The following NCOA6 variants were observed in gnomAD, a reference collection of about 807,000 sequenced individuals.
NCOA6 encodes NRC RAP250.
In NCOA6, 49 loss-of-function variants were observed where a neutral mutation model predicts 171.4. The observed-to-expected ratio is 0.29, with a 90% CI of 0.23 to 0.36. NCOA6 has a LOEUF of 0.36. Among genes scored for constraint, NCOA6 ranks in the 10% least tolerant of loss-of-function variants. The pLI is 1.00. For missense variants in NCOA6, 2,248 were observed against 2,554.5 expected, an observed-to-expected ratio of 0.88 and a Z score of 2.59; for synonymous variants, 910 against 927.5, an observed-to-expected ratio of 0.98 and a Z score of 0.34.
chr20:34,761,488 C>G (rs2076816720), intron 5 of NCOA6, among the ~76,000 whole-genome samples: 1 of 148,794 alleles, frequency 6.7e-6, no homozygotes, highest in South Asian at 2.1e-4. Flanking sequence ...TTTTTTTTTG[C>G]CACTGACTTA....
At chr20:34,723,265 T>C (rs1458954474) in intron 14 of NCOA6, among the ~76,000 whole-genome samples, 1 of 152,138 alleles carries the variant, frequency 6.6e-6, no homozygotes, top group Non-Finnish European at 1.5e-5. Flanking sequence ...TCCAGGCAGA[T>C]AGTGTCAGAA....
Position 34,732,599 on chromosome 20 carries a change from CA to C in NCOA6, c.5963-5del, listed in dbSNP as rs762026859. The C allele has an allele frequency of 1.6e-5, 25 of 1,611,868 alleles. No individual in the cohort carries two copies. In the African/African-American group the frequency reaches 2.4e-4, roughly 16 times the overall value. ...ATGGCAGCATTTACCTCCAGCTCTG[CA>C]AAAAAATATAAAGGATAGAAATGAA... On this transcript the variant is annotated splice_polypyrimidine_tract_variant and splice_region_variant and intron_variant, in intron 12 of 14. Transcript: ENST00000359003.
chr20:34,728,672 C>T (rs893038394), intron 13 of NCOA6, among the ~76,000 whole-genome samples: 3 of 152,180 alleles, frequency 2.0e-5, no homozygotes, highest in African/African-American at 7.2e-5. Flanking sequence ...GAGCTCCACA[C>T]ATAAGGAAGT....
chr20:34,742,876 G>A lies in NCOA6; in HGVS notation c.3380C>T (p.Ala1127Val), dbSNP rs368289030. The stretch of plus-strand genomic sequence containing the variant: ...TGCTTCAGGGAGTGAGGCCATCTCC[G>A]CCAGTGGCGAGCTGGAAGGATTCTG... ...SPQNPSSSPL[A>V]EMASLPEASG... The change falls in exon 11 of 15, where the codon GCG (alanine) becomes GTG (valine). Residue 1127 changes from alanine to valine, a missense_variant. Transcript: ENST00000359003. 8.1e-6 allele frequency: 13 copies of A among 1,614,120 alleles called. No homozygotes were observed. The highest frequency in any genetic ancestry group is 2.7e-5 in the African/African-American group (2 of 74,932).
chr20:34,816,802 C>CAAAA (rs1048784235), intron 1 of NCOA6, among the ~76,000 whole-genome samples: 1 of 142,630 alleles, frequency 7.0e-6, no homozygotes, highest in Non-Finnish European at 1.5e-5. Flanking sequence ...ATGCTGTCTC[C>CAAAA]AAAAACAAAC....
At chr20:34,804,705 T>G (rs929567621) in intron 1 of NCOA6, among the ~76,000 whole-genome samples, 1 of 150,790 alleles carries the variant, frequency 6.6e-6, no homozygotes, top group Non-Finnish European at 1.5e-5. Context: ...TTCAAAAAAA[T>G]TATTTTAATC....
rs1202523729 is a variant in NCOA6 at position 34,743,036 on chromosome 20, C to CACTCTG, written c.3214_3219dup (p.Gln1072_Ser1073dup). 6.2e-7 allele frequency: 1 copy of CACTCTG among 1,613,834 alleles called. No individual in the cohort carries two copies. The highest frequency in any genetic ancestry group is 1.7e-5 in the Admixed American group (1 of 60,010). ...AGACTGACCATGACAGGCACACTGC[C>CACTCTG]ACTCTGTTGCATGGGCATTCTCTGG... is the stretch of plus-strand genomic sequence containing the variant. On this transcript the variant is annotated inframe_insertion, in exon 11 of 15. Transcript: ENST00000359003.
intron 5 of NCOA6, among the ~76,000 whole-genome samples, chr20:34,764,826 C>T (rs1041903717): frequency 2.0e-5 from 3 of 151,812 alleles, no homozygotes; most frequent in African/African-American, 7.3e-5. Context: ...AGAAAGCTCT[C>T]ATGAGGGCTT....
At chr20:34,727,107 T>C in intron 14 of NCOA6, 152 bp downstream of exon 14, 1 of 892,042 alleles carries the variant, frequency 1.1e-6, no homozygotes, top group Non-Finnish European at 1.7e-6. Context: ...AATGAACAAA[T>C]AAAGGAAGGA....
rs2076679080 is a variant in NCOA6, at chr20:34,757,578, A to C, written c.1170T>G (p.Phe390Leu). 3 of 1,613,736 alleles carry C rather than the reference A, an allele frequency of 1.9e-6. No homozygotes were observed. The highest frequency in any genetic ancestry group is 3.3e-5 in the Admixed American group (2 of 59,978). Residue 390 changes from phenylalanine to leucine, a missense_variant, in exon 7 of 15, where the codon TTT becomes TTG. This residue lies in a region of NCOA6 where 987 missense variants were observed against 1,104.7 expected (regional missense o/e 0.89). Transcript: ENST00000359003. ...ACTGGCCTGGGTTGCTCATCTGAGGAAAGTTTGTGTGGGCTTGTGAGGCTT... is the reference window on the plus strand; with the variant it reads ...ACTGGCCTGGGTTGCTCATCTGAGGCAAGTTTGTGTGGGCTTGTGAGGCTT... ...SQQASQAHTN[F>L]PQMSNPGQFT...
chr20:34,808,040 C>T (rs1429858902), intron 1 of NCOA6, among the ~76,000 whole-genome samples: 2 of 151,736 alleles, frequency 1.3e-5, no homozygotes, highest in Non-Finnish European at 2.9e-5. Context: ...GTTCCAGCTA[C>T]TCAGGAGGCT....
chr20:34,741,788 A>T lies in NCOA6; in HGVS notation c.4468T>A (p.Ser1490Thr), dbSNP rs1812920938. ...VSPAMREAPT[S>T]LSQLLDNSGA... ...GAGTTGTCAAGAAGTTGACTTAACGATGTTGGTGCTTCCCTCATAGCAGGA... is the reference window on the plus strand; with the variant it reads ...GAGTTGTCAAGAAGTTGACTTAACGTTGTTGGTGCTTCCCTCATAGCAGGA... The change falls in exon 11 of 15, where the codon TCG becomes ACG. Residue 1490 changes from serine to threonine, a missense_variant. Physicochemically the swap from Ser to Thr is moderately conservative, Grantham distance 58 (BLOSUM62 1). This residue lies in a region of NCOA6 where 884 missense variants were observed against 941.9 expected (regional missense o/e 0.94). Coordinates refer to ENST00000359003, the MANE Select transcript of NCOA6 (RefSeq NM_014071.5). The T allele has an allele frequency of 6.2e-7, 1 of 1,614,192 alleles. No individual in the cohort carries two copies. The highest frequency in any genetic ancestry group is 8.5e-7 in the Non-Finnish European group (1 of 1,180,036).
At chr20:34,789,403 T>C (rs1036564032) in intron 2 of NCOA6, among the ~76,000 whole-genome samples, 5 of 152,250 alleles carry the variant, frequency 3.3e-5, no homozygotes, top group African/African-American at 1.2e-4. Flanking sequence ...ATGCCTGACA[T>C]TGTATTTACA....
At chr20:34,744,524 G>C (rs1225501069) in intron 10 of NCOA6, among the ~76,000 whole-genome samples, 1 of 152,174 alleles carries the variant, frequency 6.6e-6, no homozygotes, top group Non-Finnish European at 1.5e-5. Context: ...GGCTCTGGCA[G>C]TCAAAAGAAA....
Position 34,742,460 on chromosome 20 carries a change from A to C in NCOA6, c.3796T>G (p.Leu1266Val). The C allele has an allele frequency of 1.2e-6, 2 of 1,614,166 alleles. No homozygotes were observed. Among genetic ancestry groups the C allele is most frequent in the Non-Finnish European group, 1.7e-6 (2 of 1,180,028 alleles). ...INIPLPPRPN[L>V]NRGFDQQGLN... The stretch of plus-strand genomic sequence containing the variant: ...CCTTGTTGATCAAAGCCCCTGTTTA[A>C]ATTTGGCCTAGGAGGTAAAGGAATA... Residue 1266 changes from leucine (L) to valine (V), a missense_variant, in exon 11 of 15, where the codon TTA (leucine) becomes GTA (valine). Physicochemically the swap from Leu to Val is conservative, Grantham distance 32 (BLOSUM62 1). This residue lies in a region of NCOA6 where 14 missense variants were observed against 17.6 expected (regional missense o/e 0.80). Coordinates refer to ENST00000359003, the MANE Select transcript of NCOA6 (RefSeq NM_014071.5).
At chr20:34,795,917 A>G (rs372860797) in intron 1 of NCOA6, among the ~76,000 whole-genome samples, 1 of 151,966 alleles carries the variant, frequency 6.6e-6, no homozygotes, top group Non-Finnish European at 1.5e-5. Flanking sequence ...ACAAAGGTAG[A>G]TATTACAAAT....
At chr20:34,814,650 G>A (rs759118553) in intron 1 of NCOA6, among the ~76,000 whole-genome samples, 6 of 152,038 alleles carry the variant, frequency 3.9e-5, no homozygotes, top group Non-Finnish European at 5.9e-5. Context: ...GGAGTGCTAC[G>A]GCATGATCTT....
intron 7 of NCOA6, among the ~76,000 whole-genome samples, chr20:34,755,399 C>A (rs1467999062): frequency 6.6e-6 from 1 of 152,142 alleles, no homozygotes; most frequent in Non-Finnish European, 1.5e-5. Context: ...GCGCTTGTCT[C>A]TTTGGAAGAG....
In NCOA6 at chr20:34,825,495, G is replaced by A. The variant is rs911001892; in HGVS notation, c.-187C>T. The A allele has an allele frequency of 6.8e-6, 1 of 148,114 alleles. No individual in the cohort carries two copies. The highest frequency in any genetic ancestry group is 1.5e-5 in the Non-Finnish European group (1 of 66,610). The allele number at this position is 148,114 out of a possible 1,614,324, so 9.2% of individuals were successfully genotyped here. A position where few individuals can be genotyped will look rare whatever the true frequency, so the allele number is the denominator to read the frequency against. On this transcript the variant is annotated 5_prime_UTR_variant, in exon 1 of 15. Coordinates refer to ENST00000359003, the MANE Select transcript of NCOA6 (RefSeq NM_014071.5). ...ACCTGAGCGCGGCCCCGGCCCTCCC[G>A]GGCGGGCCTTGGAGCGCCGGCCCGG...
Sources: gnomAD v4.1 joint callset for allele counts (sites outside exome capture counted in the v4.1 genomes callset) on GRCh38, gnomAD v4.1.1 for gene constraint, gnomAD v4.1.1 regional missense constraint, MANE v1.5 for transcripts, NCBI Gene and HGNC (gene_info 2026-07-23, HGNC 2026-07-21) for gene names.